Variants in TAOK2 observed in about 807,000 individuals in gnomAD.
The protein encoded by TAOK2 is serine/threonine-protein kinase TAO2.
In TAOK2, 42 loss-of-function variants were observed where a neutral mutation model predicts 122.5. That is an observed-to-expected ratio of 0.34 (90% confidence interval 0.27 to 0.44). The LOEUF is 0.44. TAOK2 is among the 20% of genes least tolerant of loss of function. TAOK2 has a pLI of 1.00. For synonymous variants in TAOK2, 704 were observed against 677.6 expected (o/e 1.04, Z -0.61); for missense variants, 1,264 against 1,644.9 (o/e 0.77, Z 4.01).
Position 29,974,233 on chromosome 16 carries a change from AT to A in TAOK2, c.-450del, listed in dbSNP as rs1016202765. On this transcript the variant is annotated 5_prime_UTR_variant, in exon 1 of 16. Transcript: ENST00000308893. ...GGGTAACAGTCCTCATAGTCCAGAT[AT>A]CCGGGACTCGGGTCCCAACCTCTCT... 2 of 152,474 alleles carry A rather than the reference AT, an allele frequency of 1.3e-5. No individual in the cohort carries two copies. The highest frequency in any genetic ancestry group is 2.9e-5 in the Non-Finnish European group (2 of 68,052). 9.4% of individuals were successfully genotyped at this position (152,474 alleles called of 1,614,324 possible).
chr16:29,989,011 C>T, downstream of TAOK2: 1 of 985,408 alleles, frequency 1.0e-6, no homozygotes, highest in Non-Finnish European at 1.2e-6. Flanking sequence ...GCAGCCCCTT[C>T]TTACCCATTT....
At chr16:29,991,132 C>T, downstream of TAOK2, 1 of 1,608,922 alleles carries the variant, frequency 6.2e-7, no homozygotes, top group Non-Finnish European at 8.5e-7. The surrounding 1 kb of genome is among the most constrained non-coding windows in gnomAD (Gnocchi z 5.6). Flanking sequence ...GAGATCGAGG[C>T]CTTCGATGCG....
Position 29,979,647 on chromosome 16 carries a change from C to A in TAOK2, c.655+139C>A. The A allele has an allele frequency of 1.5e-6, 1 of 647,976 alleles. No homozygotes were observed. The highest frequency in any genetic ancestry group is 2.5e-6 in the Non-Finnish European group (1 of 396,602). 40.1% of individuals were successfully genotyped at this position (647,976 alleles called of 1,614,324 possible). ...TCCGTTGTGACTCTACCCTGGAGCC[C>A]AATACAGGCAGCTGGCAAATTCTGC... On this transcript the variant is annotated intron_variant, in intron 8 of 15. Transcript: ENST00000308893. This position sits in a 1 kb window ranked among gnomAD's most constrained non-coding sequence, Gnocchi z 4.1.
In TAOK2 at chr16:29,985,755, C is replaced by T. The variant is rs746558110; in HGVS notation, c.1886C>T (p.Ala629Val). 1.9e-6 allele frequency: 3 copies of T among 1,611,526 alleles called. No homozygotes were observed. The highest frequency in any genetic ancestry group is 4.5e-5 in the East Asian group (2 of 44,852). Residue 629 changes from alanine to valine, a missense_variant, in exon 15 of 16, where the codon GCA becomes GTA. Physicochemically the swap from Ala to Val is moderately conservative, Grantham distance 64. Transcript: ENST00000308893. This position sits in a 1 kb window ranked among gnomAD's most constrained non-coding sequence, Gnocchi z 6.9. ...QLQQCQAEEE[A>V]GLLRRQRQYF... ...CAGCAGTGCCAGGCGGAGGAGGAAG[C>T]AGGGCTGCTGCGGCGGCAGCGCCAG...
Position 29,987,695 on chromosome 16 carries a change from A to G in TAOK2, c.3423A>G (p.Gln1141=). The G allele has an allele frequency of 6.2e-7, 1 of 1,614,042 alleles. No individual in the cohort carries two copies. Among genetic ancestry groups the G allele is most frequent in the South Asian group, 1.1e-5 (1 of 91,084 alleles). ...GPRRRNPRTT[Q]HPLALLARVW... ...GGCGGCGTAATCCCCGCACCACCCA[A>G]CACCCATTAGCTCTGTTGGCAAGGG... The change falls in exon 16 of 16, where the codon CAA becomes CAG. Residue 1141 remains glutamine, a synonymous_variant. Coordinates refer to ENST00000308893, the MANE Select transcript of TAOK2 (RefSeq NM_016151.4).
downstream of TAOK2, chr16:29,989,517 C>CTCCTCT (rs974232056): frequency 3.8e-6 from 6 of 1,599,404 alleles, no homozygotes; most frequent in Non-Finnish European, 5.1e-6. Flanking sequence ...CTGGTTGTTC[C>CTCCTCT]TCCTCTTCCT....
chr16:29,982,938 C>T, intron 11 of TAOK2, 37 bp downstream of exon 11: 1 of 1,610,274 alleles, frequency 6.2e-7, no homozygotes, highest in South Asian at 1.1e-5. Context: ...CTTTATACCC[C>T]ATGTGTGCCT....
rs2069758300 is a variant in TAOK2, at chr16:29,985,530, G to C, written c.1740G>C (p.Leu580=). Residue 580 remains leucine (L), a synonymous_variant, in exon 14 of 16, where the codon CTG becomes CTC. Coordinates refer to ENST00000308893, the MANE Select transcript of TAOK2 (RefSeq NM_016151.4). The surrounding 1 kb of genome is among the most constrained non-coding windows in gnomAD (Gnocchi z 6.9). The stretch of plus-strand genomic sequence containing the variant: ...AGAAGAAGGAGCTGGCTGCCCTGCT[G>C]GAGGCACAGAAGCGGACCTACAAAC... ...GQQKKELAAL[L]EAQKRTYKLR... 6.2e-7 allele frequency: 1 copy of C among 1,608,568 alleles called. No individual in the cohort carries two copies. Among genetic ancestry groups the C allele is most frequent in the Non-Finnish European group, 8.5e-7 (1 of 1,176,812 alleles).
intron 11 of TAOK2, 45 bp from the exon 12 acceptor site, chr16:29,983,027 C>A (rs775001197): frequency 1.2e-6 from 2 of 1,611,228 alleles, no homozygotes; most frequent in African/African-American, 2.7e-5. Context: ...GCATATGCCC[C>A]AGGGCTTCCC....
Position 29,986,444 on chromosome 16 carries a change from T to C in TAOK2, c.2172T>C (p.Arg724=). The change falls in exon 16 of 16, where the codon CGT becomes CGC. Residue 724 remains arginine, a synonymous_variant. Transcript: ENST00000308893. This position sits in a 1 kb window ranked among gnomAD's most constrained non-coding sequence, Gnocchi z 4.2. ...ACCAGCTGGAGTACAACAAGCGGCGTGAGCAAGAGTTGCGGCAGAAGCATG... is the reference window on the plus strand; with the variant it reads ...ACCAGCTGGAGTACAACAAGCGGCGCGAGCAAGAGTTGCGGCAGAAGCATG... ...LGNQLEYNKR[R]EQELRQKHAA... 6.2e-7 allele frequency: 1 copy of C among 1,607,240 alleles called. No individual in the cohort carries two copies. The highest frequency in any genetic ancestry group is 8.5e-7 in the Non-Finnish European group (1 of 1,176,898).
intron 8 of TAOK2, chr16:29,981,403 C>T: frequency 3.3e-6 from 2 of 603,634 alleles, no homozygotes; most frequent in Non-Finnish European, 5.9e-6. Context: ...GAATGGCTGT[C>T]CTTCTGCCTT....
At chr16:29,982,954 C>T (rs1233549794) in intron 11 of TAOK2, 53 bp downstream of exon 11, 1 of 1,606,524 alleles carries the variant, frequency 6.2e-7, no homozygotes, top group South Asian at 1.1e-5. Context: ...TGCCTGCCCC[C>T]TGCAGTTGCT....
In TAOK2 at chr16:29,988,300, C is replaced by G. The variant is rs1018198978; in HGVS notation, c.*320C>G. 1.4e-6 allele frequency: 2 copies of G among 1,448,602 alleles called. No individual in the cohort carries two copies. Among genetic ancestry groups the G allele is most frequent in the African/African-American group, 1.4e-5 (1 of 70,454 alleles). 89.7% of individuals were successfully genotyped at this position (1,448,602 alleles called of 1,614,324 possible). The stretch of plus-strand genomic sequence containing the variant: ...GGAAGAGTCATGTTTTTTTTCTCCT[C>G]TTTGATTTTGTTTTTCTGTCTCCCT... On this transcript the variant is annotated 3_prime_UTR_variant, in exon 16 of 16. Transcript: ENST00000308893.
chr16:29,983,126 C>T lies in TAOK2; in HGVS notation c.1054C>T (p.His352Tyr), dbSNP rs764083096. Residue 352 changes from histidine to tyrosine, a missense_variant, in exon 12 of 16, where the codon CAC (histidine) becomes TAC (tyrosine). His to Tyr is a moderately conservative substitution (Grantham distance 83). Transcript: ENST00000308893. The part of the protein sequence containing the change: ...AGTLTSLESS[H>Y]SVPSMSISAS... ...GACTCTGACCAGCCTCGAGAGTAGCCACTCAGTGCCCAGCATGTCCATCAG... is the reference window on the plus strand; with the variant it reads ...GACTCTGACCAGCCTCGAGAGTAGCTACTCAGTGCCCAGCATGTCCATCAG... The T allele has an allele frequency of 3.3e-5, 53 of 1,613,982 alleles. No individual in the cohort carries two copies. The East Asian group carries it at 1.2e-3, about 36-fold the overall frequency.
chr16:29,988,987 C>T (rs372583700), downstream of TAOK2: 9 of 985,216 alleles, frequency 9.1e-6, no homozygotes, highest in East Asian at 1.1e-4. Context: ...TTCTCCTCTG[C>T]GGCCCAAAAT....
In TAOK2 at chr16:29,982,819, A is replaced by G; in HGVS notation, c.917A>G (p.Asn306Ser). 6.2e-7 allele frequency: 1 copy of G among 1,614,060 alleles called. No individual in the cohort carries two copies. The highest frequency in any genetic ancestry group is 8.5e-7 in the Non-Finnish European group (1 of 1,179,986). The change falls in exon 11 of 16, where the codon AAC becomes AGC. Residue 306 changes from asparagine to serine, a missense_variant. Physicochemically the swap from Asn to Ser is conservative, Grantham distance 46. This residue lies in a region of TAOK2 where 254 missense variants were observed against 503.8 expected (regional missense o/e 0.50). Transcript: ENST00000308893. Reference protein sequence around the residue: ...RTKDAVRELDNLQYRKMKKIL... With the variant: ...RTKDAVRELDSLQYRKMKKIL... ...AAGGATGCCGTGCGGGAGCTGGACA[A>G]CCTGCAGTACCGCAAGATGAAGAAG...
In TAOK2 at chr16:29,979,772, C is replaced by G. The variant is rs2069562287; in HGVS notation, c.655+264C>G. On this transcript the variant is annotated intron_variant, in intron 8 of 15. Coordinates refer to ENST00000308893, the MANE Select transcript of TAOK2 (RefSeq NM_016151.4). The surrounding 1 kb of genome is among the most constrained non-coding windows in gnomAD (Gnocchi z 4.1). ...TGCCCACCATGTGCTGTGCCATGGA[C>G]TGTGATTCTGGAGGGATAGCAGTGA... Among the ~76,000 whole-genome samples, 1 of 152,184 alleles carries G rather than the reference C, an allele frequency of 6.6e-6. No homozygotes were observed. The highest frequency in any genetic ancestry group is 2.1e-4 in the South Asian group (1 of 4,834).
downstream of TAOK2, chr16:29,991,320 C>T: frequency 3.1e-6 from 5 of 1,608,234 alleles, no homozygotes; most frequent in East Asian, 2.2e-5. This position sits in a 1 kb window ranked among gnomAD's most constrained non-coding sequence, Gnocchi z 5.6. Flanking sequence ...TCCAGCCTGG[C>T]GTCAGCCGTC....
At chr16:29,978,771 T>G (rs1314407716) in intron 4 of TAOK2, 28 bp from the exon 5 acceptor site, 1 of 1,613,844 alleles carries the variant, frequency 6.2e-7, no homozygotes, top group African/African-American at 1.3e-5. Flanking sequence ...CAGGAGACTC[T>G]GATCTCTGAC....
Sources: gnomAD v4.1 joint callset for allele counts (sites outside exome capture counted in the v4.1 genomes callset) on GRCh38, gnomAD v4.1.1 for gene constraint, gnomAD v4.1.1 regional missense constraint, Gnocchi (gnomAD v3.1) non-coding constraint, MANE v1.5 for transcripts, NCBI Gene and HGNC (gene_info 2026-07-23, HGNC 2026-07-21) for gene names.